The following NUP205 variants were observed in gnomAD, a reference collection of about 807,000 sequenced individuals.
The protein encoded by NUP205 is nucleoporin 205, also known as nuclear pore complex protein Nup205.
A neutral mutation model predicts 253.8 loss-of-function variants in NUP205; 76 were observed. That is an observed-to-expected ratio of 0.30 (90% CI 0.25 to 0.36). The LOEUF (loss-of-function observed/expected upper bound fraction) is 0.36. Among genes scored for constraint, NUP205 ranks in the 10% least tolerant of loss-of-function variants. NUP205 has a pLI of 1.00. For missense variants in NUP205, 2,162 were observed against 2,425.5 expected, an observed-to-expected ratio of 0.89 and a Z score of 2.28; for synonymous variants, 832 against 850.1, an observed-to-expected ratio of 0.98 and a Z score of 0.37.
chr7:135,638,018 A>G lies in NUP205; in HGVS notation c.5224A>G (p.Lys1742Glu). ...KFQDDNVEGD[K>E]VSKKDEIELA... ...TCAAGACGATAATGTGGAGGGAGAT[A>G]AAGTAAGCAAGAAAGATGAGATTGA... is the stretch of plus-strand genomic sequence containing the variant. The change falls in exon 37 of 43, where the codon AAA becomes GAA. Residue 1742 changes from lysine to glutamate, a missense_variant. By Grantham distance (56) the Lys-to-Glu change is moderately conservative. Coordinates refer to ENST00000285968, the MANE Select transcript of NUP205 (RefSeq NM_015135.3). The G allele has an allele frequency of 6.2e-7, 1 of 1,614,146 alleles. No homozygotes were observed. The highest frequency in any genetic ancestry group is 1.1e-5 in the South Asian group (1 of 91,080).
intron 22 of NUP205, among the ~76,000 whole-genome samples, chr7:135,612,649 G>A (rs1053857605): frequency 3.3e-5 from 5 of 152,266 alleles, no homozygotes; most frequent in African/African-American, 9.6e-5. Context: ...ATGAGAGTTC[G>A]GTGACTGCAG....
In NUP205 at chr7:135,591,486, C is replaced by T; in HGVS notation, c.1510C>T (p.Leu504=). Residue 504 remains leucine (L), a synonymous_variant, in exon 11 of 43, where the codon CTG becomes TTG. Transcript: ENST00000285968. ...AAAGTTTGTTAGGCAAATGGGTGAC[C>T]TGTTGCCTCCAACTATTTATATTCC... ...LSKFVRQMGD[L]LPPTIYIPYL... is the part of the protein sequence containing the mutation. 1 of 1,613,950 alleles carries T rather than the reference C, an allele frequency of 6.2e-7. No individual in the cohort carries two copies. The highest frequency in any genetic ancestry group is 8.5e-7 in the Non-Finnish European group (1 of 1,179,886).
Position 135,598,100 on chromosome 7 carries a change from T to G in NUP205, c.2167T>G (p.Leu723Val). 1.2e-6 allele frequency: 2 copies of G among 1,614,156 alleles called. No homozygotes were observed. Among genetic ancestry groups the G allele is most frequent in the Admixed American group, 1.7e-5 (1 of 60,008 alleles). The change falls in exon 15 of 43, where the codon TTG becomes GTG. Residue 723 changes from leucine (L) to valine (V), a missense_variant. Physicochemically the swap from Leu to Val is conservative, Grantham distance 32. Transcript: ENST00000285968. ...TLVESSFPSN[L>V]GAGLRPPGFD... ...GGTGGAGAGCTCATTTCCTTCTAAT[T>G]TGGGTGCTGGACTGCGGCCCCCTGG... is the stretch of plus-strand genomic sequence containing the variant.
At chr7:135,570,767 A>G (rs1805958031) in intron 1 of NUP205, among the ~76,000 whole-genome samples, 2 of 88,236 alleles carry the variant, frequency 2.3e-5, no homozygotes, top group South Asian at 6.5e-4. Flanking sequence ...TATATATTAT[A>G]TTAATATATA....
chr7:135,564,764 T>G (rs774112456), intron 1 of NUP205, among the ~76,000 whole-genome samples: 1 of 151,188 alleles, frequency 6.6e-6, no homozygotes, highest in Non-Finnish European at 1.5e-5. Flanking sequence ...TATTGTTGAG[T>G]TTTTTTGTTT....
At chr7:135,570,731 T>TATTATATTAATATAATTA in intron 1 of NUP205, among the ~76,000 whole-genome samples, 1 of 104,456 alleles carries the variant, frequency 9.6e-6, no homozygotes, top group East Asian at 2.3e-4. Flanking sequence ...TATATTTATA[T>TATTATATTAATATAATTA]ATTATATTAA....
intron 15 of NUP205, 28 bp from the exon 16 acceptor site, chr7:135,600,842 T>G (rs1398787760): frequency 1.4e-6 from 2 of 1,394,946 alleles, no homozygotes; most frequent in Non-Finnish European, 2.0e-6. Context: ...TGTTTTATTG[T>G]TATTGACCTA....
In NUP205 at chr7:135,564,457, G is replaced by A. The variant is rs1329457331; in HGVS notation, c.28+6485G>A. Among the ~76,000 whole-genome samples, 8 of 151,874 alleles carry A rather than the reference G, an allele frequency of 5.3e-5. No homozygotes were observed. In the East Asian group the frequency reaches 1.6e-3, roughly 29 times the overall value. On this transcript the variant is annotated intron_variant, in intron 1 of 42. Coordinates refer to ENST00000285968, the MANE Select transcript of NUP205 (RefSeq NM_015135.3). ...GTAGAGACAGGGTTTCACCATGTTGGCCATGCTGGTCTTGAACTCCTGACC... is the reference window on the plus strand; with the variant it reads ...GTAGAGACAGGGTTTCACCATGTTGACCATGCTGGTCTTGAACTCCTGACC...
intron 7 of NUP205, among the ~76,000 whole-genome samples, chr7:135,583,283 C>G (rs1806360125): frequency 6.6e-6 from 1 of 152,018 alleles, no homozygotes; most frequent in African/African-American, 2.4e-5. Flanking sequence ...TTTTCAAAGC[C>G]AGATTGCCAC....
At position 135,648,670 on chromosome 7, in the gene NUP205, T is replaced by TGG. The variant is rs1795062495; in HGVS notation, c.*115_*116insGG. On this transcript the variant is annotated 3_prime_UTR_variant, in exon 43 of 43. Transcript: ENST00000285968. ...AAAAATATTTTGCTATTTCTTTCTTTGTATATGGACATCTTTTCTGTAAAC... is the reference window on the plus strand; with the variant it reads ...AAAAATATTTTGCTATTTCTTTCTTTGGGTATATGGACATCTTTTCTGTAAAC... 3 of 760,970 alleles carry TGG rather than the reference T, an allele frequency of 3.9e-6. No individual in the cohort carries two copies. Among genetic ancestry groups the TGG allele is most frequent in the Non-Finnish European group, 5.7e-6 (3 of 525,668 alleles). 47.1% of individuals were successfully genotyped at this position (760,970 alleles called of 1,614,324 possible).
chr7:135,644,872 A>C (rs1001147965), intron 39 of NUP205, 23 bp from the exon 40 acceptor site: 11 of 1,611,268 alleles, frequency 6.8e-6, no homozygotes, highest in Non-Finnish European at 9.3e-6. Context: ...ATGTCATTCT[A>C]ATACCACATT....
intron 10 of NUP205, among the ~76,000 whole-genome samples, chr7:135,588,610 T>C (rs1477012372): frequency 1.3e-5 from 2 of 150,924 alleles, no homozygotes; most frequent in Admixed American, 1.3e-4. Flanking sequence ...AGACAGGGCC[T>C]TGCTATGATG....
At chr7:135,570,682 A>ATATATATATTAATTATATTTATAT (rs1563109886) in intron 1 of NUP205, among the ~76,000 whole-genome samples, 1 of 87,058 alleles carries the variant, frequency 1.1e-5, no homozygotes, top group African/African-American at 3.9e-5. Context: ...AATATATATT[A>ATATATATATTAATTATATTTATAT]ATTATATTAA....
intron 34 of NUP205, among the ~76,000 whole-genome samples, chr7:135,630,039 G>A (rs909817539): frequency 1.4e-4 from 22 of 152,090 alleles, no homozygotes; most frequent in Non-Finnish European, 4.4e-5. Flanking sequence ...TCATACAGTA[G>A]TTCTGAGTTA....
chr7:135,630,440 A>G lies in NUP205; in HGVS notation c.5029A>G (p.Thr1677Ala), dbSNP rs149411561. 1.9e-6 allele frequency: 3 copies of G among 1,609,714 alleles called. No homozygotes were observed. The African/African-American group carries it at 4.0e-5, about 22-fold the overall frequency. The change falls in exon 35 of 43, where the codon ACA becomes GCA. Residue 1677 changes from threonine to alanine, a missense_variant. By Grantham distance (58) the Thr-to-Ala change is moderately conservative. Transcript: ENST00000285968. ...AGSLQELALLTGIISKAALPG... is the reference protein window; with the variant it reads ...AGSLQELALLAGIISKAALPG... ...GTCTTTGCAGGAATTGGCTCTGCTGACAGGAATTATAAGTAAAGCAGCACT... is the reference window on the plus strand; with the variant it reads ...GTCTTTGCAGGAATTGGCTCTGCTGGCAGGAATTATAAGTAAAGCAGCACT...
At chr7:135,589,134 C>T (rs1351209725) in intron 10 of NUP205, among the ~76,000 whole-genome samples, 1 of 149,722 alleles carries the variant, frequency 6.7e-6, no homozygotes, top group Middle Eastern at 3.5e-3. Context: ...TACGCCACTG[C>T]ACTCCAGCCT....
intron 1 of NUP205, among the ~76,000 whole-genome samples, chr7:135,570,312 C>T (rs187176008): frequency 3.3e-5 from 5 of 151,820 alleles, no homozygotes; most frequent in Non-Finnish European, 7.4e-5. Context: ...CTCCTGGGTT[C>T]GAGTGATTTC....
chr7:135,597,043 TCTTGAACA>T (rs920612680), intron 13 of NUP205, among the ~76,000 whole-genome samples: 7 of 152,202 alleles, frequency 4.6e-5, no homozygotes, highest in Middle Eastern at 3.4e-3. Flanking sequence ...CAGTCCAGTA[TCTTGAACA>T]CTGGTGAGAT....
chr7:135,635,678 T>A, intron 36 of NUP205, 21 bp downstream of exon 36: 4 of 1,383,378 alleles, frequency 2.9e-6, no homozygotes, highest in South Asian at 1.2e-5. Flanking sequence ...CTTATTTCTT[T>A]AAATAGCAGT....
Sources: allele counts gnomAD v4.1 joint callset (sites outside exome capture counted in the v4.1 genomes callset), GRCh38; gene constraint gnomAD v4.1.1; transcripts MANE v1.5; gene names NCBI Gene and HGNC (gene_info 2026-07-23, HGNC 2026-07-21).